Variants in AKAP13 observed in about 807,000 individuals in gnomAD.
AKAP13 encodes A-kinase anchor protein 13.
Under a neutral mutation model 264.5 loss-of-function variants are expected in AKAP13, and 80 were observed. The observed-to-expected ratio is 0.30, with a 90% confidence interval of 0.25 to 0.36. AKAP13 has a LOEUF of 0.36. Ranked by LOEUF, AKAP13 falls within the 10% of genes least tolerant of loss-of-function variation. The probability of loss-of-function intolerance (pLI) is 1.00; values close to 1 mark genes in which losing one functional copy is unlikely to be tolerated. For synonymous variants in AKAP13, 1,380 were observed against 1,250.2 expected, an observed-to-expected ratio of 1.10 and a Z score of -2.19; for missense variants, 3,712 against 3,435.2, an observed-to-expected ratio of 1.08 and a Z score of -2.01.
chr15:85,551,981 G>A (rs1419347125), intron 5 of AKAP13, among the ~76,000 whole-genome samples: 1 of 152,102 alleles, frequency 6.6e-6, no homozygotes, highest in Non-Finnish European at 1.5e-5. Flanking sequence ...AAGTGATTGG[G>A]GAAACAAGGA....
rs552334498 is a variant in AKAP13 at position 85,742,606 on chromosome 15, C to T, written c.8059-886C>T. On this transcript the variant is annotated intron_variant, in intron 35 of 36. Coordinates refer to ENST00000394518, the MANE Select transcript of AKAP13 (RefSeq NM_007200.5). Reference sequence around the variant, plus strand: ...TCTCTACTGCTGATGAAAAACCTCTCTTTCTCTATAGCTGCTGCTTATATT... The same window carrying T: ...TCTCTACTGCTGATGAAAAACCTCTTTTTCTCTATAGCTGCTGCTTATATT... 2.0e-5 allele frequency among the ~76,000 whole-genome samples: 3 copies of T among 152,358 alleles called. No homozygotes were observed. The South Asian group carries it at 6.2e-4, about 32-fold the overall frequency.
At chr15:85,505,600 A>G (rs1199558570) in intron 2 of AKAP13, among the ~76,000 whole-genome samples, 1 of 152,206 alleles carries the variant, frequency 6.6e-6, no homozygotes, top group Non-Finnish European at 1.5e-5. Context: ...AGTGAAGTCA[A>G]CCTAAGTCTT....
intron 1 of AKAP13, among the ~76,000 whole-genome samples, chr15:85,427,274 T>C (rs1276575049): frequency 3.3e-5 from 5 of 152,168 alleles, no homozygotes; most frequent in South Asian, 4.2e-4. Flanking sequence ...TTTTCTGGTT[T>C]ATAAGAATTG....
chr15:85,421,365 C>T (rs1646157567), intron 1 of AKAP13, among the ~76,000 whole-genome samples: 1 of 152,244 alleles, frequency 6.6e-6, no homozygotes, highest in Admixed American at 6.5e-5. Context: ...CTGAATAATT[C>T]TCCCTCTCTG....
At chr15:85,444,421 C>G (rs1173502800) in intron 1 of AKAP13, among the ~76,000 whole-genome samples, 1 of 152,150 alleles carries the variant, frequency 6.6e-6, no homozygotes, top group East Asian at 1.9e-4. Context: ...GAAATGAAAT[C>G]CTAAAGGCAA....
At chr15:85,563,329 G>GTT (rs1184437606) in intron 5 of AKAP13, among the ~76,000 whole-genome samples, 3,663 of 53,624 alleles carry the variant, frequency 0.068, 174 homozygotes, top group Middle Eastern at 0.12. Context: ...GAATGTGCTT[G>GTT]TTTTTTTTTT....
intron 26 of AKAP13, among the ~76,000 whole-genome samples, chr15:85,725,369 T>C (rs2087553797): frequency 6.6e-6 from 1 of 151,882 alleles, no homozygotes; most frequent in African/African-American, 2.4e-5. Flanking sequence ...AAAATGTGTG[T>C]CTCTGCTTTT....
At chr15:85,700,229 A>T (rs1597105597) in intron 17 of AKAP13, among the ~76,000 whole-genome samples, 1 of 152,368 alleles carries the variant, frequency 6.6e-6, no homozygotes, top group African/African-American at 2.4e-5. Context: ...AATTTATCAG[A>T]TAGCAGAAAT....
At chr15:85,596,932 A>G (rs753194787) in intron 8 of AKAP13, among the ~76,000 whole-genome samples, 2 of 151,982 alleles carry the variant, frequency 1.3e-5, no homozygotes, top group Non-Finnish European at 2.9e-5. Flanking sequence ...TCTGAGGCAG[A>G]AAAAAAACAT....
intron 1 of AKAP13, among the ~76,000 whole-genome samples, chr15:85,392,809 T>C (rs1057278748): frequency 6.6e-6 from 1 of 152,222 alleles, no homozygotes; most frequent in African/African-American, 2.4e-5. Flanking sequence ...AAGGGTACTT[T>C]ATGTTGCACT....
At chr15:85,683,296 C>G (rs1252605478) in intron 15 of AKAP13, among the ~76,000 whole-genome samples, 3 of 152,182 alleles carry the variant, frequency 2.0e-5, no homozygotes, top group African/African-American at 7.2e-5. Context: ...GACAGGACCC[C>G]TTGTGGTGCT....
At chr15:85,477,321 C>T (rs1280282707) in intron 1 of AKAP13, among the ~76,000 whole-genome samples, 1 of 151,728 alleles carries the variant, frequency 6.6e-6, no homozygotes, top group Non-Finnish European at 1.5e-5. Flanking sequence ...AGTGAGTCCT[C>T]CTTGGGGAAG....
intron 13 of AKAP13, among the ~76,000 whole-genome samples, chr15:85,668,186 T>C (rs114744850): frequency 1.3e-5 from 2 of 152,246 alleles, no homozygotes; most frequent in African/African-American, 4.8e-5. Context: ...AGCAACTGTT[T>C]GCCTCAGCTG....
At chr15:85,570,901 C>A (rs116365226) in intron 5 of AKAP13, among the ~76,000 whole-genome samples, 1 of 151,652 alleles carries the variant, frequency 6.6e-6, no homozygotes, top group Non-Finnish European at 1.5e-5. Context: ...AGCAAAACCT[C>A]GGTCTAGAAG....
chr15:85,540,570 C>G (rs1436021078), intron 4 of AKAP13, among the ~76,000 whole-genome samples: 1 of 152,070 alleles, frequency 6.6e-6, no homozygotes, highest in East Asian at 1.9e-4. Flanking sequence ...TTGAGTAACT[C>G]AGATTACAGA....
intron 14 of AKAP13, among the ~76,000 whole-genome samples, chr15:85,680,877 G>A (rs564328332): frequency 3.3e-5 from 5 of 152,282 alleles, no homozygotes; most frequent in African/African-American, 1.2e-4. Context: ...GAGTGCAGTG[G>A]CGCAATCTCG....
intron 8 of AKAP13, among the ~76,000 whole-genome samples, chr15:85,622,912 C>G (rs575843260): frequency 4.3e-4 from 65 of 152,202 alleles, no homozygotes; most frequent in South Asian, 2.9e-3. Context: ...CTTTTTCTAT[C>G]TTAGACTTTT....
intron 8 of AKAP13, chr15:85,620,117 A>T: frequency 6.5e-7 from 1 of 1,536,092 alleles, no homozygotes; most frequent in Non-Finnish European, 8.7e-7. Context: ...AAGAGGCGCT[A>T]CAGCCTCTGT....
chr15:85,418,286 G>T (rs1177532125), intron 1 of AKAP13, among the ~76,000 whole-genome samples: 2 of 152,026 alleles, frequency 1.3e-5, no homozygotes, highest in Non-Finnish European at 2.9e-5. Context: ...TCACTTTGTT[G>T]CCCAGGCAGG....
Sources: allele counts gnomAD v4.1 joint callset (sites outside exome capture counted in the v4.1 genomes callset), GRCh38; gene constraint gnomAD v4.1.1; transcripts MANE v1.5; gene names NCBI Gene and HGNC (gene_info 2026-07-23, HGNC 2026-07-21).